The following DLG2 variants were observed in gnomAD, a reference collection of about 807,000 sequenced individuals.
The protein encoded by DLG2 is discs large MAGUK scaffold protein 2.
A neutral mutation model predicts 132.5 loss-of-function variants in DLG2; 45 were observed. The ratio of observed to expected loss-of-function variants is 0.34; its 90% CI spans 0.27 to 0.44. The LOEUF (loss-of-function observed/expected upper bound fraction) is 0.44. Ranked by LOEUF, DLG2 falls within the 20% of genes least tolerant of loss-of-function variation. The pLI, the probability that DLG2 is intolerant of heterozygous loss-of-function variation, is 1.00. For synonymous variants in DLG2, 424 were observed against 419.6 expected (o/e 1.01, Z -0.13); for missense variants, 1,045 against 1,196.9 (o/e 0.87, Z 1.87).
At chr11:85,171,659 G>A (rs2078887661) in intron 4 of DLG2, among the ~76,000 whole-genome samples, 1 of 152,172 alleles carries the variant, frequency 6.6e-6, no homozygotes, top group Admixed American at 6.5e-5. Context: ...AAGACCCACT[G>A]GCTTGGAATT....
chr11:84,809,579 G>T (rs2076347363), intron 6 of DLG2, among the ~76,000 whole-genome samples: 1 of 151,626 alleles, frequency 6.6e-6, no homozygotes, highest in Admixed American at 6.6e-5. Context: ...AGTTCAGTAG[G>T]GTAACACTAT....
chr11:84,044,950 G>A (rs1476150874), intron 11 of DLG2, among the ~76,000 whole-genome samples: 1 of 151,666 alleles, frequency 6.6e-6, no homozygotes, highest in Non-Finnish European at 1.5e-5. Flanking sequence ...GTTTTTAAGT[G>A]TATTGCATTA....
At chr11:85,152,546 C>A (rs953265394) in intron 5 of DLG2, among the ~76,000 whole-genome samples, 19 of 152,268 alleles carry the variant, frequency 1.2e-4, no homozygotes, top group African/African-American at 4.6e-4. Context: ...GGGATCACCA[C>A]CTTGGCCTCC....
chr11:84,413,005 G>T (rs2098915062), intron 7 of DLG2, among the ~76,000 whole-genome samples: 2 of 152,146 alleles, frequency 1.3e-5, no homozygotes, highest in Non-Finnish European at 2.9e-5. Flanking sequence ...TAGTATGCAT[G>T]CCTTCTGGTA....
chr11:85,226,230 C>T (rs1356855543), intron 4 of DLG2, among the ~76,000 whole-genome samples: 3 of 151,154 alleles, frequency 2.0e-5, no homozygotes, highest in African/African-American at 2.4e-5. Context: ...ATGTAGAGCA[C>T]ATTTATTAGA....
At chr11:84,331,680 A>G (rs1398643649) in intron 7 of DLG2, among the ~76,000 whole-genome samples, 2 of 151,890 alleles carry the variant, frequency 1.3e-5, no homozygotes, top group Admixed American at 1.3e-4. Context: ...GCAGAAATGC[A>G]GTTGTCAATT....
Position 85,583,136 on chromosome 11 carries a change from A to G in DLG2, c.40+15521T>C, listed in dbSNP as rs1210448287. On this transcript the variant is annotated intron_variant, in intron 3 of 27. Transcript: ENST00000376104. ...TGTGTGTGTGTGTGTGTGTGTATAT[A>G]TATATATATATATATATATATATAT... Among the ~76,000 whole-genome samples, 456 of 56,070 alleles carry G rather than the reference A, an allele frequency of 8.1e-3. 3 individuals carry two copies. The highest frequency in any genetic ancestry group is 0.026 in the African/African-American group (335 of 13,042). The allele number at this position is 56,070 out of a possible 152,430, so 36.8% of individuals were successfully genotyped here.
At chr11:85,511,211 G>A (rs186276738) in intron 3 of DLG2, among the ~76,000 whole-genome samples, 397 of 152,000 alleles carry the variant, frequency 2.6e-3, no homozygotes, top group Non-Finnish European at 4.2e-3. Flanking sequence ...ATCACACACC[G>A]GGGCCTGTTG....
chr11:84,492,062 G>A (rs1031039358), intron 7 of DLG2, among the ~76,000 whole-genome samples: 19 of 152,026 alleles, frequency 1.2e-4, no homozygotes, highest in African/African-American at 4.1e-4. Flanking sequence ...AATTATGACC[G>A]AACAGAATTT....
intron 19 of DLG2, among the ~76,000 whole-genome samples, chr11:83,553,923 T>A (rs1318061923): frequency 6.7e-6 from 1 of 150,064 alleles, no homozygotes; most frequent in Non-Finnish European, 1.5e-5. Context: ...TGTGGGATAG[T>A]CTCGCTCAGT....
intron 17 of DLG2, among the ~76,000 whole-genome samples, chr11:83,794,783 T>C (rs1313348702): frequency 6.6e-6 from 1 of 152,132 alleles, no homozygotes; most frequent in Non-Finnish European, 1.5e-5. Context: ...GGATCTAAAA[T>C]AATGTAACTA....
At chr11:85,574,360 T>A (rs916055292) in intron 3 of DLG2, among the ~76,000 whole-genome samples, 9 of 151,162 alleles carry the variant, frequency 6.0e-5, no homozygotes, top group African/African-American at 1.9e-4. Context: ...ACCCCCCAAA[T>A]ATGCTGCTTT....
chr11:83,667,026 T>C (rs529516162), intron 18 of DLG2, among the ~76,000 whole-genome samples: 18 of 152,332 alleles, frequency 1.2e-4, no homozygotes, highest in African/African-American at 3.4e-4. Context: ...CGATATACGG[T>C]CAACGCTTTA....
intron 19 of DLG2, among the ~76,000 whole-genome samples, chr11:83,594,124 A>C (rs1443251563): frequency 6.6e-6 from 1 of 152,216 alleles, no homozygotes; most frequent in Non-Finnish European, 1.5e-5. Flanking sequence ...TATTTCCTGG[A>C]CCCTTTAGGC....
chr11:84,791,139 T>C (rs1300621809), intron 6 of DLG2, among the ~76,000 whole-genome samples: 1 of 152,032 alleles, frequency 6.6e-6, no homozygotes, highest in African/African-American at 2.4e-5. Flanking sequence ...TACAAAACCA[T>C]CAGGTCTCAT....
At chr11:85,448,794 T>C (rs1331958711) in intron 3 of DLG2, among the ~76,000 whole-genome samples, 1 of 152,154 alleles carries the variant, frequency 6.6e-6, no homozygotes, top group African/African-American at 2.4e-5. Flanking sequence ...CATTGCCACA[T>C]CCACATCTAA....
chr11:84,084,722 T>A (rs945011561), intron 10 of DLG2, among the ~76,000 whole-genome samples: 1 of 151,694 alleles, frequency 6.6e-6, no homozygotes, highest in Non-Finnish European at 1.5e-5. Flanking sequence ...ACTTACCTTT[T>A]TTGTTAATTT....
chr11:84,323,717 T>C (rs1365017252), intron 7 of DLG2, among the ~76,000 whole-genome samples: 2 of 148,508 alleles, frequency 1.3e-5, no homozygotes, highest in Admixed American at 6.8e-5. Context: ...GCTTTCTTTT[T>C]TCCTTTTTTT....
rs2098648410 is a variant in DLG2, at chr11:84,361,280, C to T, written c.520-109989G>A. Among the ~76,000 whole-genome samples the T allele has an allele frequency of 2.6e-5, 4 of 151,866 alleles. 1 individual carries two copies. Among genetic ancestry groups the T allele is most frequent in the South Asian group, 4.1e-4 (2 of 4,830 alleles). On this transcript the variant is annotated intron_variant, in intron 7 of 27. Coordinates refer to ENST00000376104, the MANE Select transcript of DLG2 (RefSeq NM_001142699.3). The stretch of plus-strand genomic sequence containing the variant: ...CAGAATGAACATAAAGAAAACCATA[C>T]ATCATGATCAAATTGCTGAAAACCA...
Sources: allele counts gnomAD v4.1 joint callset (sites outside exome capture counted in the v4.1 genomes callset), GRCh38; gene constraint gnomAD v4.1.1; transcripts MANE v1.5; gene names NCBI Gene and HGNC (gene_info 2026-07-23, HGNC 2026-07-21).